The following PRR5 variants were observed in gnomAD, a reference collection of about 807,000 sequenced individuals.
PRR5 encodes proline-rich protein 5.
Under a neutral mutation model 30.6 loss-of-function variants are expected in PRR5, and 25 were observed. The observed-to-expected ratio is 0.82, with a 90% CI of 0.60 to 1.14. The LOEUF (loss-of-function observed/expected upper bound fraction) is 1.14. PRR5 is among the 50% of genes most tolerant of loss of function. PRR5 has a pLI of 0.00. For missense variants in PRR5, 600 were observed against 547.1 expected, an observed-to-expected ratio of 1.10 and a Z score of -0.96; for synonymous variants, 286 against 247.1, an observed-to-expected ratio of 1.16 and a Z score of -1.48.
intron 2 of PRR5, among the ~76,000 whole-genome samples, chr22:44,718,668 A>C (rs895583894): frequency 3.3e-5 from 5 of 152,164 alleles, no homozygotes; most frequent in African/African-American, 4.8e-5. Flanking sequence ...ATTCTCACCA[A>C]CACATGTTAA....
At chr22:44,674,575 G>A (rs1923610374), upstream of PRR5, among the ~76,000 whole-genome samples, 2 of 151,900 alleles carry the variant, frequency 1.3e-5, no homozygotes, top group African/African-American at 4.8e-5. Context: ...ACAAAAATTA[G>A]CCGGGCGTGG....
chr22:44,669,027 C>A (rs1414179599), intron 1 of PRR5, among the ~76,000 whole-genome samples: 1 of 151,566 alleles, frequency 6.6e-6, no homozygotes, highest in Admixed American at 6.6e-5. Context: ...GCAGGGGCGG[C>A]CCCCTTGGGT....
At chr22:44,704,474 C>T (rs1054779494) in intron 1 of PRR5, among the ~76,000 whole-genome samples, 7 of 152,062 alleles carry the variant, frequency 4.6e-5, no homozygotes, top group African/African-American at 1.7e-4. Flanking sequence ...CCTGAGCAAC[C>T]CCCGCCCCAC....
Position 44,737,293 on chromosome 22 carries a change from CG to C in PRR5, c.*51del, listed in dbSNP as rs775855572. 2 of 1,551,066 alleles carry C rather than the reference CG, an allele frequency of 1.3e-6. No individual in the cohort carries two copies. Among genetic ancestry groups the C allele is most frequent in the Admixed American group, 1.8e-5 (1 of 55,096 alleles). On this transcript the variant is annotated 3_prime_UTR_variant, in exon 8 of 8. Transcript: ENST00000336985. The stretch of plus-strand genomic sequence containing the variant: ...GTTTTTACTGACACGTCCCTGTGTG[CG>C]GGGGTGTCCATGTGGCGTGTGTGTG...
intron 7 of PRR5, among the ~76,000 whole-genome samples, chr22:44,736,013 G>C (rs765965672): frequency 1.1e-4 from 17 of 152,206 alleles, no homozygotes; most frequent in Non-Finnish European, 2.4e-4. Flanking sequence ...CCGCTCGTGT[G>C]TGTCGCCCGC....
intron 1 of PRR5, among the ~76,000 whole-genome samples, 160 bp from the exon 2 acceptor site, chr22:44,714,431 G>T (rs563471198): frequency 6.6e-6 from 1 of 152,290 alleles, no homozygotes; most frequent in South Asian, 2.1e-4. Context: ...GGGCCGGGCT[G>T]GGGGTGCAGG....
chr22:44,712,487 C>G (rs1928404145), intron 1 of PRR5, among the ~76,000 whole-genome samples: 2 of 152,212 alleles, frequency 1.3e-5, no homozygotes, highest in Admixed American at 6.5e-5. Context: ...CCAGTCCCGG[C>G]TCCGTGTGGG....
At chr22:44,728,139 A>G (rs936683902) in intron 4 of PRR5, among the ~76,000 whole-genome samples, 1 of 152,158 alleles carries the variant, frequency 6.6e-6, no homozygotes, top group Non-Finnish European at 1.5e-5. Context: ...GTGCCTGCCC[A>G]GCAGAAGGGG....
chr22:44,730,779 C>A (rs1194420452), intron 4 of PRR5: 1 of 680,036 alleles, frequency 1.5e-6, no homozygotes, highest in South Asian at 2.7e-5. Flanking sequence ...GATCCCCAGA[C>A]CTGACCACAG....
intron 6 of PRR5, among the ~76,000 whole-genome samples, chr22:44,733,548 TGA>T (rs1922630145): frequency 6.6e-6 from 1 of 151,990 alleles, no homozygotes; most frequent in Admixed American, 6.5e-5. Context: ...GGGTGGAAGT[TGA>T]GAGAGTTTAG....
chr22:44,670,577 A>G (rs538914478), intron 1 of PRR5, among the ~76,000 whole-genome samples: 1 of 152,314 alleles, frequency 6.6e-6, no homozygotes, highest in Non-Finnish European at 1.5e-5. Context: ...CGGCCGTGAG[A>G]AGGGCTGGCA....
chr22:44,724,350 C>T (rs987634090), intron 2 of PRR5, among the ~76,000 whole-genome samples: 3 of 152,048 alleles, frequency 2.0e-5, no homozygotes, highest in Non-Finnish European at 2.9e-5. Flanking sequence ...GCAGGAGAAT[C>T]GCTTGAACCC....
At chr22:44,672,439 C>G (rs1923476634), upstream of PRR5, among the ~76,000 whole-genome samples, 3 of 152,166 alleles carry the variant, frequency 2.0e-5, no homozygotes, top group Non-Finnish European at 2.9e-5. Flanking sequence ...ACAAAATTAG[C>G]CAGGCGTGGT....
At chr22:44,678,726 C>G (rs973513280) in intron 1 of PRR5, among the ~76,000 whole-genome samples, 5 of 152,206 alleles carry the variant, frequency 3.3e-5, no homozygotes, top group Non-Finnish European at 7.3e-5. Context: ...TGCCATCTCA[C>G]CCTGGGCTCT....
intron 6 of PRR5, among the ~76,000 whole-genome samples, chr22:44,732,895 G>T (rs950622875): frequency 1.4e-5 from 2 of 145,560 alleles, no homozygotes; most frequent in African/African-American, 5.3e-5. Flanking sequence ...CACCACACAC[G>T]TGCACACGCA....
Position 44,731,357 on chromosome 22 carries a change from C to A in PRR5, c.323-373C>A, listed in dbSNP as rs920150447. On this transcript the variant is annotated intron_variant, in intron 4 of 7. Transcript: ENST00000336985. ...TCACCTGTGAACGTCTCACCTGTGC[C>A]AGGTGTATACCTGTGTGGCTCTCAC... is the stretch of plus-strand genomic sequence containing the variant. The A allele has an allele frequency of 1.5e-5, 5 of 332,832 alleles. No individual in the cohort carries two copies. In the Admixed American group the frequency reaches 1.6e-4, roughly 11 times the overall value. 20.6% of individuals were successfully genotyped at this position (332,832 alleles called of 1,614,324 possible). A position where few individuals can be genotyped will look rare whatever the true frequency, so the allele number is the denominator to read the frequency against.
chr22:44,706,116 G>A (rs1927154431), intron 1 of PRR5, among the ~76,000 whole-genome samples: 1 of 152,096 alleles, frequency 6.6e-6, no homozygotes. Context: ...CCTTTCTCTT[G>A]TAAAAACACT....
At chr22:44,696,034 C>G (rs1191392554) in intron 1 of PRR5, among the ~76,000 whole-genome samples, 1 of 141,570 alleles carries the variant, frequency 7.1e-6, no homozygotes, top group Non-Finnish European at 1.5e-5. Flanking sequence ...AGTGATTTTC[C>G]TGCCTCAGCC....
intron 4 of PRR5, chr22:44,729,570 C>A (rs1399910878): frequency 1.0e-6 from 1 of 985,304 alleles, no homozygotes; most frequent in Admixed American, 6.1e-5. Flanking sequence ...ACGTGTATCA[C>A]GCCCCTTTCA....
Sources: allele counts gnomAD v4.1 joint callset (sites outside exome capture counted in the v4.1 genomes callset), GRCh38; gene constraint gnomAD v4.1.1; transcripts MANE v1.5; gene names NCBI Gene and HGNC (gene_info 2026-07-23, HGNC 2026-07-21).